Variants in ANKRD26 observed in about 807,000 individuals in gnomAD.
The protein encoded by ANKRD26 is ankyrin repeat domain 26.
Under a neutral mutation model 208.7 loss-of-function variants are expected in ANKRD26, and 141 were observed. The ratio of observed to expected loss-of-function variants is 0.68; its 90% CI spans 0.59 to 0.78. ANKRD26 has a LOEUF of 0.78. ANKRD26 is among the 30% of genes least tolerant of loss of function. The pLI is 0.00. For missense variants in ANKRD26, 1,889 were observed against 1,938.7 expected (o/e 0.97, Z 0.48); for synonymous variants, 636 against 660.4 (o/e 0.96, Z 0.57).
chr10:27,098,080 T>C (rs1314090649), intron 1 of ANKRD26, among the ~76,000 whole-genome samples: 2 of 152,182 alleles, frequency 1.3e-5, no homozygotes, highest in African/African-American at 4.8e-5. Flanking sequence ...ATACATAAAA[T>C]CTATAAATAC....
At chr10:26,960,869 G>T in the ANKRD26 span, among the ~76,000 whole-genome samples, 93 of 152,278 alleles carry the variant, frequency 6.1e-4, no homozygotes, top group South Asian at 1.2e-3. Context: ...GAACAACAGT[G>T]GGGGGTAGCC....
chr10:27,075,111 T>C (rs1006444541), intron 9 of ANKRD26, among the ~76,000 whole-genome samples: 10 of 152,166 alleles, frequency 6.6e-5, no homozygotes, highest in African/African-American at 2.4e-4. Context: ...AAATAAAAGG[T>C]TGATACATAA....
chr10:27,036,912 C>T (rs1432175656), intron 23 of ANKRD26, among the ~76,000 whole-genome samples: 1 of 151,998 alleles, frequency 6.6e-6, no homozygotes, highest in Non-Finnish European at 1.5e-5. Flanking sequence ...GTGGAAAGAC[C>T]ATCAATTCTT....
chr10:26,990,223 A>G (rs12413932), downstream of ANKRD26, among the ~76,000 whole-genome samples: 3,184 of 152,302 alleles, frequency 0.021, 170 homozygotes, highest in East Asian at 0.17. Flanking sequence ...AAATATGTGC[A>G]TGGCAATTCA....
Position 27,017,708 on chromosome 10 carries a change from ACTCCT to A in ANKRD26, c.4295_4299del (p.Glu1432ValfsTer12), listed in dbSNP as rs776259526. The A allele has an allele frequency of 2.5e-6, 4 of 1,612,992 alleles. No individual in the cohort carries two copies. ...TTTTGTACTGTTTTCATAGATAACA[ACTCCT>A]CTTGAAGAATTTGGTTCTTTGTATC... On this transcript the variant is annotated frameshift_variant, in exon 30 of 34. Coordinates refer to ENST00000376087, the MANE Select transcript of ANKRD26 (RefSeq NM_014915.3). LOFTEE classifies it high-confidence loss of function.
chr10:26,987,667 G>C (rs975214022), downstream of ANKRD26, among the ~76,000 whole-genome samples: 2 of 152,204 alleles, frequency 1.3e-5, no homozygotes, highest in African/African-American at 4.8e-5. Context: ...CCCAGGAACA[G>C]AGTAGCAGGA....
At chr10:27,039,789 T>C (rs1042821482) in intron 21 of ANKRD26, among the ~76,000 whole-genome samples, 176 bp downstream of exon 21, 3 of 152,136 alleles carry the variant, frequency 2.0e-5, no homozygotes, top group African/African-American at 7.2e-5. Context: ...AGAATATATA[T>C]TTAGTAGAAG....
At chr10:27,075,061 C>A (rs1364380868) in intron 9 of ANKRD26, among the ~76,000 whole-genome samples, 1 of 152,100 alleles carries the variant, frequency 6.6e-6, no homozygotes, top group Non-Finnish European at 1.5e-5. Flanking sequence ...CAATACTAGA[C>A]CAGCCCTACA....
At chr10:27,080,072 G>C (rs1173688983) in intron 6 of ANKRD26, 5 of 403,760 alleles carry the variant, frequency 1.2e-5, no homozygotes, top group Non-Finnish European at 2.5e-5. Context: ...CAGAAGAATT[G>C]TGTGAACCCA....
chr10:27,071,751 G>A (rs993478219), intron 9 of ANKRD26, among the ~76,000 whole-genome samples: 6 of 152,136 alleles, frequency 3.9e-5, no homozygotes, highest in African/African-American at 9.7e-5. Flanking sequence ...GTGTGAACGG[G>A]AGAGATGGTC....
At chr10:26,948,541 G>T in the ANKRD26 span, among the ~76,000 whole-genome samples, 2 of 152,130 alleles carry the variant, frequency 1.3e-5, no homozygotes, top group African/African-American at 4.8e-5. Flanking sequence ...TGGTAATAAT[G>T]ATTATATACG....
intron 1 of ANKRD26, among the ~76,000 whole-genome samples, chr10:27,099,567 G>C (rs967592276): frequency 1.0e-4 from 15 of 143,698 alleles, no homozygotes; most frequent in African/African-American, 3.5e-4. Context: ...AGAGTTGGGG[G>C]GGGGGGTCTC....
chr10:26,950,356 C>G, the ANKRD26 span, among the ~76,000 whole-genome samples: 1 of 152,182 alleles, frequency 6.6e-6, no homozygotes, highest in Non-Finnish European at 1.5e-5. Flanking sequence ...CAGAGCCATG[C>G]ATAACTGTGA....
chr10:26,955,077 T>C, the ANKRD26 span, among the ~76,000 whole-genome samples: 6 of 151,716 alleles, frequency 4.0e-5, no homozygotes, highest in African/African-American at 1.5e-4. Flanking sequence ...TTTGGTTCCA[T>C]TGAATTAACT....
At chr10:26,993,847 T>TGACAGA (rs2052532398) in intron 5 of ANKRD26, among the ~76,000 whole-genome samples, 1 of 152,196 alleles carries the variant, frequency 6.6e-6, no homozygotes, top group African/African-American at 2.4e-5. Flanking sequence ...GAGGCATCTT[T>TGACAGA]TTATAATCTG....
At chr10:27,045,203 C>T (rs538160208) in intron 18 of ANKRD26, among the ~76,000 whole-genome samples, 2 of 152,104 alleles carry the variant, frequency 1.3e-5, no homozygotes, top group Non-Finnish European at 2.9e-5. Flanking sequence ...GTGGGCAGAT[C>T]ACTTGAGGTC....
At chr10:26,980,764 A>G (rs2052295413) in exon 5 of ANKRD26, among the ~76,000 whole-genome samples, 1 of 152,182 alleles carries the variant, frequency 6.6e-6, no homozygotes, top group Admixed American at 6.5e-5. Context: ...GGAAGATGGT[A>G]GGCTAGAGCA....
At chr10:26,999,226 A>T (rs1290538426), downstream of ANKRD26, among the ~76,000 whole-genome samples, 5 of 152,328 alleles carry the variant, frequency 3.3e-5, no homozygotes, top group South Asian at 2.1e-4. Flanking sequence ...ATTGTAACTT[A>T]GAGTCTGCTT....
At chr10:27,079,031 A>C in intron 7 of ANKRD26, 58 bp downstream of exon 7, 4 of 1,459,354 alleles carry the variant, frequency 2.7e-6, no homozygotes, top group Non-Finnish European at 2.9e-6. Flanking sequence ...TTTTAAGAGA[A>C]TACTATACGA....
Sources: gnomAD v4.1 joint callset for allele counts (sites outside exome capture counted in the v4.1 genomes callset) on GRCh38, gnomAD v4.1.1 for gene constraint, MANE v1.5 for transcripts, NCBI Gene and HGNC (gene_info 2026-07-23, HGNC 2026-07-21) for gene names.